SLC7A14: variants seen among roughly 807,000 people sequenced by gnomAD.
The protein encoded by SLC7A14 is gamma-aminobutyric acid transporter SLC7A14.
Under a neutral mutation model 60.2 loss-of-function variants are expected in SLC7A14, and 37 were observed. The observed-to-expected ratio is 0.61, with a 90% CI of 0.47 to 0.81. The LOEUF (loss-of-function observed/expected upper bound fraction) is 0.81, where lower values mean the gene tolerates loss of function less well. Ranked by LOEUF, SLC7A14 falls within the 30% of genes least tolerant of loss-of-function variation. The pLI is 0.00. For missense variants in SLC7A14, 886 were observed against 982.7 expected, an observed-to-expected ratio of 0.90 and a Z score of 1.32; for synonymous variants, 399 against 395.8, an observed-to-expected ratio of 1.01 and a Z score of -0.10.
At chr3:170,581,474 CA>C (rs1715233429) in intron 1 of SLC7A14, among the ~76,000 whole-genome samples, 1 of 151,940 alleles carries the variant, frequency 6.6e-6, no homozygotes, top group East Asian at 1.9e-4. Context: ...TGTTCAGGAC[CA>C]AATAAACTAA....
chr3:170,540,307 T>A (rs1713980782), intron 1 of SLC7A14, among the ~76,000 whole-genome samples: 1 of 152,166 alleles, frequency 6.6e-6, no homozygotes. Context: ...AATATTAAAA[T>A]TTAGTTAGGT....
chr3:170,547,910 G>A (rs983041586), intron 1 of SLC7A14, among the ~76,000 whole-genome samples: 2 of 151,998 alleles, frequency 1.3e-5, no homozygotes, highest in African/African-American at 4.8e-5. Context: ...GCAATGCTAC[G>A]GTGGACATAT....
chr3:170,522,223 AG>A (rs1158978964), intron 2 of SLC7A14, among the ~76,000 whole-genome samples: 1 of 152,228 alleles, frequency 6.6e-6, no homozygotes, highest in African/African-American at 2.4e-5. Context: ...TTTGGAAAAA[AG>A]CTTGGCTATT....
intron 2 of SLC7A14, among the ~76,000 whole-genome samples, chr3:170,510,944 G>T (rs934504181): frequency 6.6e-6 from 1 of 152,178 alleles, no homozygotes; most frequent in African/African-American, 2.4e-5. Context: ...AGAGAATGCC[G>T]AGGCCAGCAT....
intron 1 of SLC7A14, among the ~76,000 whole-genome samples, chr3:170,539,605 A>C (rs1713951596): frequency 6.6e-6 from 1 of 152,158 alleles, no homozygotes; most frequent in Non-Finnish European, 1.5e-5. Context: ...TCTTCCCTCT[A>C]GACTGCAAAC....
At chr3:170,476,431 G>T (rs908553717) in intron 7 of SLC7A14, among the ~76,000 whole-genome samples, 2 of 152,204 alleles carry the variant, frequency 1.3e-5, no homozygotes, top group Admixed American at 1.3e-4. Context: ...TGTGCCCTCT[G>T]GCTGGCCAGC....
chr3:170,515,611 T>TTAGGA (rs1039645228), intron 2 of SLC7A14, among the ~76,000 whole-genome samples: 9 of 150,614 alleles, frequency 6.0e-5, no homozygotes, highest in African/African-American at 1.9e-4. Flanking sequence ...CTAGCTGGGG[T>TTAGGA]TAGGATGTGT....
chr3:170,542,508 A>G (rs1401724224), intron 1 of SLC7A14, among the ~76,000 whole-genome samples: 1 of 152,200 alleles, frequency 6.6e-6, no homozygotes, highest in East Asian at 1.9e-4. Flanking sequence ...GTCCCTTGCC[A>G]CTACAGCTCC....
At chr3:170,539,046 T>C (rs937945267) in intron 1 of SLC7A14, among the ~76,000 whole-genome samples, 2 of 152,268 alleles carry the variant, frequency 1.3e-5, no homozygotes, top group African/African-American at 4.8e-5. Context: ...AGCTAGGATC[T>C]CTTCTTAAAG....
chr3:170,529,812 A>G (rs1253318376), intron 1 of SLC7A14, among the ~76,000 whole-genome samples: 1 of 152,190 alleles, frequency 6.6e-6, no homozygotes, highest in Non-Finnish European at 1.5e-5. Context: ...TCCTTATAAA[A>G]AGGGGAAATT....
chr3:170,576,361 A>C (rs1237718671), intron 1 of SLC7A14, among the ~76,000 whole-genome samples: 2 of 152,226 alleles, frequency 1.3e-5, no homozygotes, highest in Non-Finnish European at 2.9e-5. Flanking sequence ...TTTTAGAATC[A>C]TGATTTACTG....
At chr3:170,518,614 C>G (rs887564576) in intron 2 of SLC7A14, among the ~76,000 whole-genome samples, 5 of 152,228 alleles carry the variant, frequency 3.3e-5, no homozygotes, top group Non-Finnish European at 7.3e-5. Context: ...TGATACCTAA[C>G]CTTCCCGGCA....
At position 170,501,288 on chromosome 3, in the gene SLC7A14, G is replaced by A. The variant is rs761811163; in HGVS notation, c.362C>T (p.Thr121Ile). Residue 121 changes from threonine to isoleucine, a missense_variant, in exon 3 of 8, where the codon ACC becomes ATC. By Grantham distance (89) the Thr-to-Ile change is moderately conservative (BLOSUM62 -1). Transcript: ENST00000231706. ...RVPKTTGSAY[T>I]YSYVTVGEFV... ...TTCCCCAACAGTGACATAGCTGTAG[G>A]TGTAGGCAGATCCTGTGGTCTTGGG... is the stretch of plus-strand genomic sequence containing the variant. The A allele has an allele frequency of 1.9e-6, 3 of 1,614,198 alleles. No homozygotes were observed. The highest frequency in any genetic ancestry group is 2.2e-5 in the East Asian group (1 of 44,890).
chr3:170,544,335 GAC>G (rs1233490626), intron 1 of SLC7A14, among the ~76,000 whole-genome samples: 1 of 151,758 alleles, frequency 6.6e-6, no homozygotes, highest in African/African-American at 2.4e-5. Flanking sequence ...AGGTAAAATA[GAC>G]ACACACACAC....
At chr3:170,554,643 C>T (rs1237554776) in intron 1 of SLC7A14, among the ~76,000 whole-genome samples, 1 of 152,214 alleles carries the variant, frequency 6.6e-6, no homozygotes, top group Non-Finnish European at 1.5e-5. Flanking sequence ...CCTCTGCTTT[C>T]AGTCCCTTCC....
rs975323975 is a variant in SLC7A14 at position 170,502,580 on chromosome 3, G to A, written c.305-1235C>T. 2.6e-5 allele frequency among the ~76,000 whole-genome samples: 4 copies of A among 152,218 alleles called. No individual in the cohort carries two copies. In the South Asian group the frequency reaches 6.2e-4, roughly 24 times the overall value. ...GGGTGGGATGTAAGAGGATGTAGGA[G>A]GGAACTCAAAGTCAACTTTACCTTC... On this transcript the variant is annotated intron_variant, in intron 2 of 7. Coordinates refer to ENST00000231706, the MANE Select transcript of SLC7A14 (RefSeq NM_020949.3).
chr3:170,540,725 G>A (rs138191389), intron 1 of SLC7A14, among the ~76,000 whole-genome samples: 2,838 of 152,240 alleles, frequency 0.019, 84 homozygotes, highest in African/African-American at 0.065. Flanking sequence ...ATCTTTCAAT[G>A]CTAACAGCCC....
chr3:170,551,700 A>G (rs559525330), intron 1 of SLC7A14, among the ~76,000 whole-genome samples: 13 of 152,348 alleles, frequency 8.5e-5, no homozygotes, highest in East Asian at 1.9e-4. Flanking sequence ...TTGAAGAAAT[A>G]TCTATTCAAA....
chr3:170,486,031 T>G (rs3732448), intron 5 of SLC7A14, among the ~76,000 whole-genome samples, 191 bp downstream of exon 5: 73,693 of 151,870 alleles, frequency 0.49, 18,350 homozygotes, highest in African/African-American at 0.6. Flanking sequence ...TGAAGTGAAG[T>G]CCTGGGGCTT....
Sources: gnomAD v4.1 joint callset for allele counts (sites outside exome capture counted in the v4.1 genomes callset) on GRCh38, gnomAD v4.1.1 for gene constraint, MANE v1.5 for transcripts, NCBI Gene and HGNC (gene_info 2026-07-23, HGNC 2026-07-21) for gene names.